The following MACROD2 variants were observed in gnomAD, a reference collection of about 807,000 sequenced individuals.
The protein encoded by MACROD2 is ADP-ribose glycohydrolase MACROD2.
In MACROD2, 36 loss-of-function variants were observed where a neutral mutation model predicts 70.4. The observed-to-expected ratio is 0.51, with a 90% confidence interval of 0.39 to 0.68. The LOEUF (loss-of-function observed/expected upper bound fraction) is 0.68. Among genes scored for constraint, MACROD2 ranks in the 30% least tolerant of loss-of-function variants. MACROD2 has a pLI of 0.00. For missense variants in MACROD2, 496 were observed against 538.4 expected, an observed-to-expected ratio of 0.92 and a Z score of 0.78; for synonymous variants, 172 against 178.8, an observed-to-expected ratio of 0.96 and a Z score of 0.30.
chr20:15,006,141 A>ATGTGTG (rs11473589), intron 5 of MACROD2, among the ~76,000 whole-genome samples: 20,961 of 134,200 alleles, frequency 0.16, 1,813 homozygotes, highest in East Asian at 0.26. Context: ...ATATATATAT[A>ATGTGTG]TGTGTGTGTG....
intron 4 of MACROD2, chr20:14,493,846 A>G (rs1174063316): frequency 6.3e-6 from 1 of 158,054 alleles, no homozygotes; most frequent in Non-Finnish European, 1.4e-5. Flanking sequence ...GTTACTTTTA[A>G]TATGAATTCT....
At chr20:14,077,002 G>T (rs1390906430) in intron 2 of MACROD2, among the ~76,000 whole-genome samples, 3 of 152,082 alleles carry the variant, frequency 2.0e-5, no homozygotes, top group African/African-American at 7.2e-5. Flanking sequence ...AACTTTTTTA[G>T]GTTTTTGCTT....
chr20:15,053,255 T>C (rs1278423106), intron 5 of MACROD2, among the ~76,000 whole-genome samples: 2 of 152,214 alleles, frequency 1.3e-5, no homozygotes, highest in Admixed American at 6.5e-5. Flanking sequence ...ATTTTCAACG[T>C]AGATGAAACA....
At position 14,499,249 on chromosome 20, in the gene MACROD2, G is replaced by A. The variant is rs563578931; in HGVS notation, c.301+5741G>A. 5.3e-5 allele frequency among the ~76,000 whole-genome samples: 8 copies of A among 152,260 alleles called. No homozygotes were observed. The East Asian group carries it at 1.2e-3, about 22-fold the overall frequency. ...ATAGGGTTTAAATCTTAACTGCCTC[G>A]GCCAGGCACGGTGGCTCATGCCTGT... is the stretch of plus-strand genomic sequence containing the variant. On this transcript the variant is annotated intron_variant, in intron 4 of 17. Coordinates refer to ENST00000684519, the MANE Select transcript of MACROD2 (RefSeq NM_001351661.2).
intron 5 of MACROD2, among the ~76,000 whole-genome samples, chr20:14,926,558 A>AG (rs992593998): frequency 2.6e-5 from 4 of 151,876 alleles, no homozygotes; most frequent in Admixed American, 2.0e-4. Flanking sequence ...AAAAAAAAAA[A>AG]AGGAAGCATT....
At position 14,397,701 on chromosome 20, in the gene MACROD2, G is replaced by T. The variant is rs946368199; in HGVS notation, c.272-95778G>T. On this transcript the variant is annotated intron_variant, in intron 3 of 17. Coordinates refer to ENST00000684519, the MANE Select transcript of MACROD2 (RefSeq NM_001351661.2). ...TACAATGTGTAGTGATCAAATCAGA[G>T]TAATTAGGATTACAAACATTTATTT... 2.0e-5 allele frequency among the ~76,000 whole-genome samples: 3 copies of T among 152,212 alleles called. No homozygotes were observed. The East Asian group carries it at 5.8e-4, about 29-fold the overall frequency.
chr20:15,186,644 C>T (rs1419349119), intron 5 of MACROD2, among the ~76,000 whole-genome samples: 1 of 152,112 alleles, frequency 6.6e-6, no homozygotes, highest in East Asian at 1.9e-4. Flanking sequence ...GATTCAAAAT[C>T]CTGGACCCAT....
chr20:14,759,130 G>T (rs974321015), intron 5 of MACROD2, among the ~76,000 whole-genome samples: 1 of 151,922 alleles, frequency 6.6e-6, no homozygotes, highest in Admixed American at 6.6e-5. Flanking sequence ...TGCTTTTCTG[G>T]CTCATTGTAA....
rs964583940 is a variant in MACROD2, at chr20:14,485,738, G to T, written c.272-7741G>T. Among the ~76,000 whole-genome samples, 6 of 148,354 alleles carry T rather than the reference G, an allele frequency of 4.0e-5. No individual in the cohort carries two copies. The East Asian group carries it at 9.8e-4, about 24-fold the overall frequency. Reference sequence around the variant, plus strand: ...AAAAAAAAAAAGACCATGGAGAAAAGTATGGAAGGGAATGGTAGATAAGAG... The same window carrying T: ...AAAAAAAAAAAGACCATGGAGAAAATTATGGAAGGGAATGGTAGATAAGAG... On this transcript the variant is annotated intron_variant, in intron 3 of 17. Transcript: ENST00000684519.
chr20:15,899,569 A>C lies in MACROD2; in HGVS notation c.775+13758A>C, dbSNP rs77748961. 3.4e-3 allele frequency among the ~76,000 whole-genome samples: 521 copies of C among 152,332 alleles called. 3 individuals carry two copies. Among genetic ancestry groups the C allele is most frequent in the South Asian group, 0.013 (65 of 4,826 alleles). On this transcript the variant is annotated intron_variant, in intron 10 of 17. Transcript: ENST00000684519. ...AGAACTAAATGGACTATATGTTGCTAAGTTCAGTAGCATGTTTCAAACAGT... is the reference window on the plus strand; with the variant it reads ...AGAACTAAATGGACTATATGTTGCTCAGTTCAGTAGCATGTTTCAAACAGT...
intron 8 of MACROD2, among the ~76,000 whole-genome samples, chr20:15,617,958 A>G (rs994474990): frequency 1.3e-5 from 2 of 152,206 alleles, no homozygotes; most frequent in Admixed American, 1.3e-4. Context: ...AACATACCAC[A>G]TATGGAACAT....
At chr20:15,163,220 G>C (rs556778189) in intron 5 of MACROD2, among the ~76,000 whole-genome samples, 2 of 151,958 alleles carry the variant, frequency 1.3e-5, no homozygotes, top group Non-Finnish European at 2.9e-5. Context: ...ATATAGTTTA[G>C]CTACCTCAAT....
At chr20:14,189,433 T>C (rs993333661) in intron 3 of MACROD2, among the ~76,000 whole-genome samples, 2 of 152,216 alleles carry the variant, frequency 1.3e-5, no homozygotes, top group Admixed American at 6.5e-5. Context: ...AAAGGCTTTT[T>C]GTGAATGTTT....
intron 3 of MACROD2, among the ~76,000 whole-genome samples, chr20:14,487,718 A>G (rs2084751482): frequency 6.6e-6 from 1 of 152,174 alleles, no homozygotes. Flanking sequence ...CATGGATTTT[A>G]CAGCTTAATA....
At chr20:14,927,801 C>T (rs978398207) in intron 5 of MACROD2, among the ~76,000 whole-genome samples, 1 of 152,196 alleles carries the variant, frequency 6.6e-6, no homozygotes, top group African/African-American at 2.4e-5. Flanking sequence ...TGGAATGTCA[C>T]TTTCTGTTTT....
chr20:14,331,337 C>G (rs139560933), intron 3 of MACROD2, among the ~76,000 whole-genome samples: 1 of 151,982 alleles, frequency 6.6e-6, no homozygotes, highest in Admixed American at 6.6e-5. Context: ...TGTGAAAAGA[C>G]GGAAGATTAA....
At position 14,483,110 on chromosome 20, in the gene MACROD2, T is replaced by C. The variant is rs377619678; in HGVS notation, c.272-10369T>C. 1.8e-4 allele frequency among the ~76,000 whole-genome samples: 28 copies of C among 152,356 alleles called. 1 individual carries two copies. Among genetic ancestry groups the C allele is most frequent in the African/African-American group, 6.5e-4 (27 of 41,584 alleles). On this transcript the variant is annotated intron_variant, in intron 3 of 17. Coordinates refer to ENST00000684519, the MANE Select transcript of MACROD2 (RefSeq NM_001351661.2). ...TTAGTTAGGATTCGGGGTATAAATGTAAATTTGAGTAATTATCTGGTGATT... is the reference window on the plus strand; with the variant it reads ...TTAGTTAGGATTCGGGGTATAAATGCAAATTTGAGTAATTATCTGGTGATT...
chr20:14,012,381 C>A (rs749548479), intron 2 of MACROD2, among the ~76,000 whole-genome samples: 1 of 152,154 alleles, frequency 6.6e-6, no homozygotes, highest in Non-Finnish European at 1.5e-5. Flanking sequence ...TCTAGCAATC[C>A]TGCACTCACA....
intron 5 of MACROD2, among the ~76,000 whole-genome samples, chr20:15,101,576 A>G (rs572017127): frequency 1.4e-5 from 2 of 140,856 alleles, no homozygotes; most frequent in South Asian, 4.6e-4. Context: ...ACAGCACTAA[A>G]CATTTTGCTT....
Sources: allele counts gnomAD v4.1 joint callset (sites outside exome capture counted in the v4.1 genomes callset), GRCh38; gene constraint gnomAD v4.1.1; transcripts MANE v1.5; gene names NCBI Gene and HGNC (gene_info 2026-07-23, HGNC 2026-07-21).